The following PLCB4 variants were observed in gnomAD, a reference collection of about 807,000 sequenced individuals.
The protein encoded by PLCB4 is phospholipase C beta 4, also known as 1-phosphatidylinositol 4,5-bisphosphate phosphodiesterase beta-4.
A neutral mutation model predicts 178.8 loss-of-function variants in PLCB4; 77 were observed. The observed-to-expected ratio is 0.43, with a 90% CI of 0.36 to 0.52. The LOEUF (loss-of-function observed/expected upper bound fraction) is 0.52, where lower values mean the gene tolerates loss of function less well. PLCB4 is among the 20% of genes least tolerant of loss of function. The pLI is 0.00. For missense variants in PLCB4, 1,024 were observed against 1,453.4 expected (o/e 0.70, Z 4.80); for synonymous variants, 496 against 490.8 (o/e 1.01, Z -0.14).
At chr20:9,351,014 G>C (rs1008224258) in intron 7 of PLCB4, among the ~76,000 whole-genome samples, 1 of 152,128 alleles carries the variant, frequency 6.6e-6, no homozygotes, top group East Asian at 1.9e-4. Context: ...AGTACTTCCC[G>C]AATTAGTGGC....
chr20:9,439,441 C>T (rs886766774), intron 30 of PLCB4, among the ~76,000 whole-genome samples: 4 of 152,168 alleles, frequency 2.6e-5, no homozygotes, highest in Admixed American at 2.0e-4. Context: ...GAGAAATAGA[C>T]TCTACCTCTT....
intron 3 of PLCB4, among the ~76,000 whole-genome samples, chr20:9,224,216 G>A (rs181095352): frequency 7.2e-4 from 110 of 152,224 alleles, no homozygotes; most frequent in African/African-American, 2.5e-3. Flanking sequence ...TGCCACTCCT[G>A]TACCCATCTT....
chr20:9,121,363 C>T (rs1352648287), intron 2 of PLCB4, among the ~76,000 whole-genome samples: 1 of 152,172 alleles, frequency 6.6e-6, no homozygotes, highest in East Asian at 1.9e-4. Context: ...CCACAGGGCT[C>T]TGAACGCCGC....
intron 36 of PLCB4, among the ~76,000 whole-genome samples, chr20:9,469,591 G>A (rs2044041399): frequency 1.3e-5 from 2 of 152,228 alleles, no homozygotes; most frequent in Non-Finnish European, 2.9e-5. Flanking sequence ...GCCCAGGGCA[G>A]GCCCTAAGCA....
intron 7 of PLCB4, among the ~76,000 whole-genome samples, chr20:9,346,452 T>A (rs2148127025): frequency 6.6e-6 from 1 of 152,328 alleles, no homozygotes; most frequent in South Asian, 2.1e-4. Flanking sequence ...AAATCTGAAC[T>A]GCCTATTGAT....
intron 3 of PLCB4, among the ~76,000 whole-genome samples, chr20:9,295,961 T>C (rs2094628756): frequency 6.6e-6 from 1 of 152,084 alleles, no homozygotes; most frequent in East Asian, 1.9e-4. Context: ...GGACTTCATG[T>C]CTAAAACACC....
chr20:9,460,786 C>T (rs2043339751), intron 35 of PLCB4, among the ~76,000 whole-genome samples: 2 of 152,156 alleles, frequency 1.3e-5, no homozygotes, highest in African/African-American at 4.8e-5. Context: ...GCTGCATGCC[C>T]AAATTCCCAA....
intron 3 of PLCB4, among the ~76,000 whole-genome samples, chr20:9,237,671 A>G (rs2094008113): frequency 6.6e-6 from 1 of 152,214 alleles, no homozygotes; most frequent in Non-Finnish European, 1.5e-5. Context: ...CAGTAGTGCT[A>G]CCAAAGTTTG....
In PLCB4 at chr20:9,381,658, G is replaced by A. The variant is rs548051975; in HGVS notation, c.853+1496G>A. 8.5e-5 allele frequency among the ~76,000 whole-genome samples: 13 copies of A among 152,286 alleles called. No individual in the cohort carries two copies. In the South Asian group the frequency reaches 2.1e-3, roughly 24 times the overall value. ...TAGCTTGACCATTTCACAAGTGATG[G>A]AAATTTTAACGTCTGTCATTTTCAA... On this transcript the variant is annotated intron_variant, in intron 13 of 39. Transcript: ENST00000378473.
intron 19 of PLCB4, 70 bp from the exon 20 acceptor site, chr20:9,401,420 G>A (rs1461564485): frequency 8.8e-6 from 9 of 1,021,400 alleles, no homozygotes; most frequent in Admixed American, 1.8e-5. Context: ...TTCTACCCAA[G>A]ATTGTGAACA....
intron 32 of PLCB4, 136 bp downstream of exon 32, chr20:9,444,379 A>G (rs1335614436): frequency 1.0e-5 from 6 of 600,522 alleles, no homozygotes; most frequent in Non-Finnish European, 1.8e-5. Context: ...AAATTAAAAA[A>G]TAGAATCGGT....
chr20:9,150,289 A>G (rs1600727945), intron 2 of PLCB4, among the ~76,000 whole-genome samples: 1 of 152,304 alleles, frequency 6.6e-6, no homozygotes, highest in East Asian at 1.9e-4. Flanking sequence ...AGTGGACTTT[A>G]TGATGTCTAG....
chr20:9,098,916 C>CGT (rs1379356086), intron 2 of PLCB4, among the ~76,000 whole-genome samples: 3 of 149,062 alleles, frequency 2.0e-5, no homozygotes, highest in Non-Finnish European at 4.4e-5. Context: ...TGTCTGGCGA[C>CGT]GTATATATAT....
At chr20:9,136,631 A>G (rs1244011424) in intron 2 of PLCB4, among the ~76,000 whole-genome samples, 1 of 152,056 alleles carries the variant, frequency 6.6e-6, no homozygotes, top group Non-Finnish European at 1.5e-5. Flanking sequence ...GGATTGGCAG[A>G]TCACTGGCAA....
At chr20:9,327,580 T>G (rs956067875) in intron 4 of PLCB4, among the ~76,000 whole-genome samples, 1 of 151,580 alleles carries the variant, frequency 6.6e-6, no homozygotes, top group African/African-American at 2.4e-5. Context: ...ATTGAGACCA[T>G]CCTGGCTAAC....
chr20:9,418,326 G>A (rs1352778905), intron 25 of PLCB4, among the ~76,000 whole-genome samples: 1 of 151,996 alleles, frequency 6.6e-6, no homozygotes, highest in Non-Finnish European at 1.5e-5. Flanking sequence ...GCTAATTTTT[G>A]TATATGGTAT....
At chr20:9,204,681 T>G (rs2093595033) in intron 2 of PLCB4, among the ~76,000 whole-genome samples, 1 of 152,126 alleles carries the variant, frequency 6.6e-6, no homozygotes, top group African/African-American at 2.4e-5. Flanking sequence ...ACTTTCATTA[T>G]GAACCAGTGA....
intron 5 of PLCB4, 109 bp from the exon 6 acceptor site, chr20:9,337,899 C>G (rs2032680026): frequency 8.7e-6 from 6 of 686,708 alleles, no homozygotes; most frequent in Non-Finnish European, 1.3e-5. Context: ...TTCAAGCTGA[C>G]TGTAATCAGC....
At chr20:9,235,347 A>C (rs757962129) in intron 3 of PLCB4, among the ~76,000 whole-genome samples, 1 of 152,210 alleles carries the variant, frequency 6.6e-6, no homozygotes, top group Non-Finnish European at 1.5e-5. Context: ...TTGGAAGTTA[A>C]AAAGTCAAGG....
Sources: gnomAD v4.1 joint callset for allele counts (sites outside exome capture counted in the v4.1 genomes callset) on GRCh38, gnomAD v4.1.1 for gene constraint, MANE v1.5 for transcripts, NCBI Gene and HGNC (gene_info 2026-07-23, HGNC 2026-07-21) for gene names.